Variants in CDIP1 observed in about 807,000 individuals in gnomAD.
CDIP1 encodes the protein cell death inducing p53 target 1.
Under a neutral mutation model 17.7 loss-of-function variants are expected in CDIP1, and 9 were observed. The observed-to-expected ratio is 0.51, with a 90% CI of 0.31 to 0.89. CDIP1 has a LOEUF of 0.89. Ranked by LOEUF, CDIP1 falls within the 40% of genes least tolerant of loss-of-function variation. The probability of loss-of-function intolerance (pLI) is 0.05; values close to 1 mark genes in which losing one functional copy is unlikely to be tolerated. For synonymous variants in CDIP1, 117 were observed against 109.5 expected (o/e 1.07, Z -0.43); for missense variants, 263 against 277.9 (o/e 0.95, Z 0.38).
chr16:4,530,116 G>A (rs2059040015), intron 1 of CDIP1, among the ~76,000 whole-genome samples: 1 of 152,206 alleles, frequency 6.6e-6, no homozygotes. Flanking sequence ...GATCTCTCAT[G>A]TTACAGGGCA....
chr16:4,537,860 G>A (rs545004766), intron 1 of CDIP1, among the ~76,000 whole-genome samples: 2 of 152,342 alleles, frequency 1.3e-5, no homozygotes, highest in East Asian at 3.9e-4. Context: ...CCTCGAAGGC[G>A]CGACTCCTAG....
chr16:4,535,971 C>T (rs1305025377), intron 1 of CDIP1, among the ~76,000 whole-genome samples: 1 of 152,200 alleles, frequency 6.6e-6, no homozygotes, highest in Non-Finnish European at 1.5e-5. Context: ...ATTTCCAAGT[C>T]CCCTCGTGGG....
chr16:4,529,798 C>A (rs1310914754), intron 1 of CDIP1, among the ~76,000 whole-genome samples: 1 of 152,318 alleles, frequency 6.6e-6, no homozygotes, highest in South Asian at 2.1e-4. Context: ...CTGCAACCTA[C>A]AAAAAAGCAC....
intron 1 of CDIP1, among the ~76,000 whole-genome samples, chr16:4,527,888 C>T (rs2059016210): frequency 6.6e-6 from 1 of 152,126 alleles, no homozygotes; most frequent in African/African-American, 2.4e-5. Flanking sequence ...GCAGTCTAGG[C>T]TCACTGCGAC....
chr16:4,520,871 T>C (rs957002000), intron 1 of CDIP1, among the ~76,000 whole-genome samples: 6 of 152,180 alleles, frequency 3.9e-5, no homozygotes, highest in African/African-American at 1.2e-4. Context: ...TGTGTGCCAG[T>C]TGTTCTTTAA....
chr16:4,517,452 T>G (rs1006034544), intron 1 of CDIP1, among the ~76,000 whole-genome samples: 21 of 152,260 alleles, frequency 1.4e-4, no homozygotes, highest in African/African-American at 4.8e-4. Flanking sequence ...AAGGGAGCAG[T>G]GGCCAGGTGC....
chr16:4,513,974 C>A lies in CDIP1; in HGVS notation c.85+72G>T. Reference sequence around the variant, plus strand: ...GGTAACCCTGGAGTGGGCATCACCACTTAGAGAGTCCCAACCATGCCATGG... The same window carrying A: ...GGTAACCCTGGAGTGGGCATCACCAATTAGAGAGTCCCAACCATGCCATGG... On this transcript the variant is annotated intron_variant, in intron 3 of 5. Coordinates refer to ENST00000567695, the MANE Select transcript of CDIP1 (RefSeq NM_013399.3). This position sits in a 1 kb window ranked among gnomAD's most constrained non-coding sequence, Gnocchi z 4.1. 7.5e-7 allele frequency: 1 copy of A among 1,337,366 alleles called. No homozygotes were observed. Among genetic ancestry groups the A allele is most frequent in the Admixed American group, 2.6e-5 (1 of 39,080 alleles). 82.8% of individuals were successfully genotyped at this position (1,337,366 alleles called of 1,614,324 possible).
At chr16:4,528,684 A>AC (rs2059025411) in intron 1 of CDIP1, among the ~76,000 whole-genome samples, 4 of 22,938 alleles carry the variant, frequency 1.7e-4, no homozygotes, top group African/African-American at 5.0e-4. Context: ...ACCCTGTCTC[A>AC]AAAAAAAAAA....
chr16:4,535,888 G>C (rs190499179), intron 1 of CDIP1, among the ~76,000 whole-genome samples: 2 of 152,210 alleles, frequency 1.3e-5, no homozygotes, highest in Admixed American at 1.3e-4. Flanking sequence ...GGAGACTCCT[G>C]ACTAGGCAGA....
intron 1 of CDIP1, among the ~76,000 whole-genome samples, chr16:4,531,869 C>T (rs906059408): frequency 1.3e-5 from 2 of 152,250 alleles, no homozygotes; most frequent in African/African-American, 2.4e-5. Flanking sequence ...GTTCCATTTA[C>T]ATAGATTTCA....
In CDIP1 at chr16:4,513,433, C is replaced by G. The variant is rs779861207; in HGVS notation, c.241+263G>C. 5.3e-5 allele frequency among the ~76,000 whole-genome samples: 8 copies of G among 152,162 alleles called. No individual in the cohort carries two copies. Among genetic ancestry groups the G allele is most frequent in the Non-Finnish European group, 7.4e-5 (5 of 68,016 alleles). ...TTGCGGGTCACCCACCCCTCTCCTG[C>G]ACACAAGGCGCCCCTCCCCACCCAT... On this transcript the variant is annotated intron_variant, in intron 4 of 5. Transcript: ENST00000567695. The surrounding 1 kb of genome is among the most constrained non-coding windows in gnomAD (Gnocchi z 4.1).
At chr16:4,517,389 A>C (rs983359204) in intron 1 of CDIP1, among the ~76,000 whole-genome samples, 1 of 151,884 alleles carries the variant, frequency 6.6e-6, no homozygotes, top group Non-Finnish European at 1.5e-5. Flanking sequence ...CCCCAGCATG[A>C]CTCTCCCACC....
At chr16:4,529,534 G>GAA (rs148102741) in intron 1 of CDIP1, among the ~76,000 whole-genome samples, 1 of 152,126 alleles carries the variant, frequency 6.6e-6, no homozygotes, top group East Asian at 1.9e-4. Flanking sequence ...AGAGCAAAAG[G>GAA]AAAAAATCAG....
rs933876149 is a variant in CDIP1 at position 4,514,471 on chromosome 16, C to A, written c.-15+104G>T. The A allele has an allele frequency of 2.4e-5, 7 of 295,666 alleles. No homozygotes were observed. Among genetic ancestry groups the A allele is most frequent in the South Asian group, 1.9e-4 (2 of 10,658 alleles). 18.3% of individuals were successfully genotyped at this position (295,666 alleles called of 1,614,324 possible). A position where few individuals can be genotyped will look rare whatever the true frequency, so the allele number is the denominator to read the frequency against. Reference sequence around the variant, plus strand: ...CGAGAGCAGTTTGGCACCGAGCTCTCCCCTCCCCAAACGTTTAGCGGGCAC... The same window carrying A: ...CGAGAGCAGTTTGGCACCGAGCTCTACCCTCCCCAAACGTTTAGCGGGCAC... On this transcript the variant is annotated intron_variant, in intron 2 of 5. Coordinates refer to ENST00000567695, the MANE Select transcript of CDIP1 (RefSeq NM_013399.3). The surrounding 1 kb of genome is among the most constrained non-coding windows in gnomAD (Gnocchi z 5.2).
At chr16:4,527,245 G>C (rs929451111) in intron 1 of CDIP1, among the ~76,000 whole-genome samples, 1 of 151,926 alleles carries the variant, frequency 6.6e-6, no homozygotes, top group African/African-American at 2.4e-5. Context: ...CCGCCAACAC[G>C]CCTGGGTAAT....
intron 1 of CDIP1, among the ~76,000 whole-genome samples, chr16:4,527,479 A>G (rs994505861): frequency 1.3e-5 from 2 of 152,232 alleles, no homozygotes; most frequent in African/African-American, 4.8e-5. Flanking sequence ...TCTAGGAACT[A>G]TGATGATGAC....
At chr16:4,532,481 A>T (rs2059066216) in intron 1 of CDIP1, 1 of 152,342 alleles carries the variant, frequency 6.6e-6, no homozygotes, top group East Asian at 1.9e-4. Flanking sequence ...TGAGCAGGGA[A>T]CACTCCGTGT....
chr16:4,526,153 T>G (rs536418806), intron 1 of CDIP1, among the ~76,000 whole-genome samples: 3 of 152,226 alleles, frequency 2.0e-5, no homozygotes, highest in African/African-American at 7.2e-5. Context: ...ATGCCTGTAA[T>G]TACGGCACTT....
intron 1 of CDIP1, chr16:4,523,809 G>T (rs2058974805): frequency 6.6e-6 from 1 of 152,338 alleles, no homozygotes; most frequent in African/African-American, 2.4e-5. Context: ...AAGGCCTAAG[G>T]AAGGAGGGAT....
Sources: allele counts gnomAD v4.1 joint callset (sites outside exome capture counted in the v4.1 genomes callset), GRCh38; gene constraint gnomAD v4.1.1; non-coding constraint Gnocchi (gnomAD v3.1); transcripts MANE v1.5; gene names NCBI Gene and HGNC (gene_info 2026-07-23, HGNC 2026-07-21).